Variants in RSPRY1 observed in about 807,000 individuals in gnomAD.
RSPRY1 encodes ring finger and SPRY domain containing 1.
In RSPRY1, 23 loss-of-function variants were observed where a neutral mutation model predicts 73.1. The observed-to-expected ratio is 0.31, with a 90% CI of 0.23 to 0.45. The LOEUF is 0.45. RSPRY1 is among the 20% of genes least tolerant of loss of function. RSPRY1 has a pLI of 1.00. For synonymous variants in RSPRY1, 226 were observed against 251.4 expected, an observed-to-expected ratio of 0.90 and a Z score of 0.95; for missense variants, 448 against 698.7, an observed-to-expected ratio of 0.64 and a Z score of 4.05.
chr16:57,211,283 AAG>A (rs2074839436), intron 4 of RSPRY1, among the ~76,000 whole-genome samples: 1 of 151,470 alleles, frequency 6.6e-6, no homozygotes. Context: ...AAAAAAAAAA[AAG>A]AAAGCCAGGC....
chr16:57,189,431 T>A (rs1453854943), intron 1 of RSPRY1, among the ~76,000 whole-genome samples: 1 of 151,926 alleles, frequency 6.6e-6, no homozygotes, highest in Non-Finnish European at 1.5e-5. Context: ...TTTTGTATAA[T>A]AGTGTGTTAA....
Position 57,221,426 on chromosome 16 carries a change from T to G in RSPRY1, c.1161+11T>G. The G allele has an allele frequency of 6.3e-7, 1 of 1,599,942 alleles. No individual in the cohort carries two copies. Among genetic ancestry groups the G allele is most frequent in the Non-Finnish European group, 8.5e-7 (1 of 1,174,144 alleles). ...AAATTCCTCAATCATGTGAGTACCC[T>G]AGAGAACTGTGAAAATGGGAGCAGT... On this transcript the variant is annotated intron_variant, in intron 10 of 14. Transcript: ENST00000394420.
At chr16:57,226,555 C>G (rs1346026801) in intron 10 of RSPRY1, among the ~76,000 whole-genome samples, 1 of 152,282 alleles carries the variant, frequency 6.6e-6, no homozygotes, top group Non-Finnish European at 1.5e-5. Flanking sequence ...GGGTAACTTC[C>G]AAACTGCCAT....
At chr16:57,197,427 T>C (rs1415666528) in intron 1 of RSPRY1, among the ~76,000 whole-genome samples, 1 of 152,204 alleles carries the variant, frequency 6.6e-6, no homozygotes, top group Non-Finnish European at 1.5e-5. Context: ...AGGCTTGCCT[T>C]TATAAAATGC....
chr16:57,223,527 C>T lies in RSPRY1; in HGVS notation c.1161+2112C>T, dbSNP rs536054674. ...AGGCGCAGTGGCTCACACCTGTAAT[C>T]CCAGCACTTTGGGAGGCTGAGGTGG... On this transcript the variant is annotated intron_variant, in intron 10 of 14. Transcript: ENST00000394420. Among the ~76,000 whole-genome samples, 7 of 152,234 alleles carry T rather than the reference C, an allele frequency of 4.6e-5. No homozygotes were observed. In the East Asian group the frequency reaches 1.3e-3, roughly 29 times the overall value.
intron 12 of RSPRY1, 142 bp downstream of exon 12, chr16:57,230,955 C>T (rs565568243): frequency 1.4e-6 from 1 of 703,774 alleles, no homozygotes; most frequent in Admixed American, 2.7e-5. Flanking sequence ...CCCATTTGAT[C>T]AGACCTAAAA....
intron 5 of RSPRY1, among the ~76,000 whole-genome samples, chr16:57,213,547 ATG>A (rs1227353226): frequency 6.6e-6 from 1 of 152,228 alleles, no homozygotes; most frequent in African/African-American, 2.4e-5. Context: ...TTGTTTATGA[ATG>A]TTACCCATTT....
chr16:57,219,061 C>T (rs1442765842), intron 8 of RSPRY1, among the ~76,000 whole-genome samples: 2 of 152,112 alleles, frequency 1.3e-5, no homozygotes, highest in African/African-American at 4.8e-5. Context: ...ATTTGTCTCT[C>T]GATGGACACT....
chr16:57,232,107 T>C (rs1567516483), intron 13 of RSPRY1, among the ~76,000 whole-genome samples: 1 of 152,204 alleles, frequency 6.6e-6, no homozygotes, highest in African/African-American at 2.4e-5. Flanking sequence ...ACATATCTTA[T>C]ATCAGTAAGA....
At chr16:57,203,059 A>C (rs1159311841) in intron 1 of RSPRY1, among the ~76,000 whole-genome samples, 2 of 152,064 alleles carry the variant, frequency 1.3e-5, no homozygotes, top group Admixed American at 6.6e-5. Flanking sequence ...TAATCCCAGC[A>C]CTTTGGGAGG....
At chr16:57,234,876 C>T (rs1281541719) in intron 13 of RSPRY1, among the ~76,000 whole-genome samples, 1 of 152,222 alleles carries the variant, frequency 6.6e-6, no homozygotes, top group Non-Finnish European at 1.5e-5. Flanking sequence ...TGATTCCTGA[C>T]TGCATACCTT....
intron 11 of RSPRY1, among the ~76,000 whole-genome samples, chr16:57,230,354 A>T (rs1243640875): frequency 6.6e-6 from 1 of 152,138 alleles, no homozygotes; most frequent in Non-Finnish European, 1.5e-5. Flanking sequence ...TGGGGTAGTT[A>T]TCTAGGGAAT....
intron 1 of RSPRY1, among the ~76,000 whole-genome samples, chr16:57,196,074 T>G (rs2074441672): frequency 6.6e-6 from 1 of 150,568 alleles, no homozygotes; most frequent in Non-Finnish European, 1.5e-5. Context: ...ATGTGTTGCC[T>G]TTATATAATC....
At chr16:57,200,136 GTT>G (rs1332152842) in intron 1 of RSPRY1, among the ~76,000 whole-genome samples, 1 of 148,950 alleles carries the variant, frequency 6.7e-6, no homozygotes, top group African/African-American at 2.5e-5. Flanking sequence ...TCAAGCATCT[GTT>G]TAACAAAGCA....
chr16:57,196,622 C>T (rs1238434413), intron 1 of RSPRY1, among the ~76,000 whole-genome samples: 1 of 152,208 alleles, frequency 6.6e-6, no homozygotes, highest in East Asian at 1.9e-4. Flanking sequence ...GATCAAGCTA[C>T]AATCCCTCCC....
intron 1 of RSPRY1, among the ~76,000 whole-genome samples, chr16:57,203,923 CTG>C (rs2074673916): frequency 6.6e-6 from 1 of 152,182 alleles, no homozygotes; most frequent in Admixed American, 6.5e-5. Context: ...TGTATGAATT[CTG>C]TCAGTTCTTG....
chr16:57,194,957 C>T (rs978769103), intron 1 of RSPRY1, among the ~76,000 whole-genome samples: 3 of 151,624 alleles, frequency 2.0e-5, no homozygotes, highest in Non-Finnish European at 2.9e-5. Context: ...TACCAAGACC[C>T]TAAGTTTGAT....
intron 5 of RSPRY1, among the ~76,000 whole-genome samples, 155 bp downstream of exon 5, chr16:57,213,253 A>G (rs1433350152): frequency 1.3e-5 from 2 of 152,208 alleles, no homozygotes; most frequent in Non-Finnish European, 2.9e-5. Context: ...AATTACTGAA[A>G]GGCTACAGAG....
At chr16:57,202,878 T>TATATATATATATATATA (rs2074646964) in intron 1 of RSPRY1, among the ~76,000 whole-genome samples, 1 of 131,638 alleles carries the variant, frequency 7.6e-6, no homozygotes, top group Non-Finnish European at 1.6e-5. Context: ...TTACATATGA[T>TATATATATATATATATA]TATATATATA....
Sources: gnomAD v4.1 joint callset for allele counts (sites outside exome capture counted in the v4.1 genomes callset) on GRCh38, gnomAD v4.1.1 for gene constraint, MANE v1.5 for transcripts, NCBI Gene and HGNC (gene_info 2026-07-23, HGNC 2026-07-21) for gene names.